The following PCDHA4 variants were observed in gnomAD, a reference collection of about 807,000 sequenced individuals.
PCDHA4 encodes the protein protocadherin alpha 4.
PCDHA4 carries 49 observed loss-of-function variants against 61.4 expected under a neutral mutation model. The ratio of observed to expected loss-of-function variants is 0.80; its 90% confidence interval spans 0.63 to 1.01. PCDHA4 has a LOEUF of 1.01. PCDHA4 is among the 50% of genes least tolerant of loss of function. PCDHA4 has a pLI of 0.00. For synonymous variants in PCDHA4, 590 were observed against 550.3 expected, an observed-to-expected ratio of 1.07 and a Z score of -1.01; for missense variants, 1,254 against 1,235.8, an observed-to-expected ratio of 1.01 and a Z score of -0.22.
intron 1 of PCDHA4, chr5:140,884,065 C>G (rs377441374): frequency 1.1e-5 from 17 of 1,613,346 alleles, no homozygotes; most frequent in Admixed American, 6.7e-5. Flanking sequence ...CGGTGGACGC[C>G]GATTCGGGCT....
intron 1 of PCDHA4, chr5:140,849,852 C>G: frequency 3.8e-6 from 6 of 1,598,608 alleles, no homozygotes; most frequent in Non-Finnish European, 5.1e-6. Flanking sequence ...CGACAACGCA[C>G]CAGCGTTCGC....
chr5:140,933,130 AAGGTAGAT>A (rs1554209200), intron 1 of PCDHA4, among the ~76,000 whole-genome samples: 1 of 151,994 alleles, frequency 6.6e-6, no homozygotes, highest in East Asian at 1.9e-4. Context: ...CTAAATAATA[AAGGTAGAT>A]AGCCACTCAT....
intron 1 of PCDHA4, chr5:140,813,574 G>A (rs1765337432): frequency 6.6e-6 from 1 of 152,206 alleles, no homozygotes; most frequent in Non-Finnish European, 1.5e-5. Context: ...AGACTGCGGG[G>A]CTGGAAATTT....
At position 140,852,588 on chromosome 5, in the gene PCDHA4, T is replaced by G. The variant is rs2150519378; in HGVS notation, c.2385+43016T>G. 150 of 881,406 alleles carry G rather than the reference T, an allele frequency of 1.7e-4. 16 individuals are homozygous for G. The highest frequency in any genetic ancestry group is 2.0e-4 in the Non-Finnish European group (145 of 723,694). 54.6% of individuals were successfully genotyped at this position (881,406 alleles called of 1,614,324 possible). A position where few individuals can be genotyped will look rare whatever the true frequency, so the allele number is the denominator to read the frequency against. On this transcript the variant is annotated intron_variant, in intron 1 of 3. Transcript: ENST00000530339. ...ACTGTGCCAAGGCTTTTTTATTTTT[T>G]TTTTTTGTCATTTTCTTTCAAAACT...
intron 1 of PCDHA4, among the ~76,000 whole-genome samples, chr5:140,903,821 A>G (rs2153482193): frequency 6.6e-6 from 1 of 152,320 alleles, no homozygotes. Context: ...TCTCACATGA[A>G]TGTCTGTTGG....
chr5:140,941,462 C>T (rs1323217881), intron 1 of PCDHA4, among the ~76,000 whole-genome samples: 1 of 150,980 alleles, frequency 6.6e-6, no homozygotes, highest in Non-Finnish European at 1.5e-5. Context: ...ATTACAGGCG[C>T]CCACCACCAC....
intron 1 of PCDHA4, chr5:140,856,526 G>C (rs1461628453): frequency 6.3e-7 from 1 of 1,598,340 alleles, no homozygotes; most frequent in Non-Finnish European, 8.6e-7. Context: ...ATCTGATGCG[G>C]ATGTTGGAGA....
Position 141,010,026 on chromosome 5 carries a change from T to C in PCDHA4, c.*89T>C. On this transcript the variant is annotated 3_prime_UTR_variant, in exon 4 of 4. Transcript: ENST00000530339. ...AGCAATTCCCTGCTCCTTTTTCCTA[T>C]CTACATGAGCCCTCTTAGAGACCTC... 1 of 1,574,670 alleles carries C rather than the reference T, an allele frequency of 6.4e-7. No homozygotes were observed. The highest frequency in any genetic ancestry group is 8.6e-7 in the Non-Finnish European group (1 of 1,164,154).
chr5:140,921,630 A>G lies in PCDHA4; in HGVS notation c.2386-57319A>G, dbSNP rs554698507. ...AGAAAAATATCATCAGATCATCATTATGGTAGCTATTTTAAGGGAACTTAA... is the reference window on the plus strand; with the variant it reads ...AGAAAAATATCATCAGATCATCATTGTGGTAGCTATTTTAAGGGAACTTAA... On this transcript the variant is annotated intron_variant, in intron 1 of 3. Coordinates refer to ENST00000530339, the MANE Select transcript of PCDHA4 (RefSeq NM_018907.4). Among the ~76,000 whole-genome samples, 4 of 152,344 alleles carry G rather than the reference A, an allele frequency of 2.6e-5. No homozygotes were observed. The South Asian group carries it at 8.3e-4, about 32-fold the overall frequency.
At chr5:140,990,780 G>A (rs900658402) in intron 3 of PCDHA4, among the ~76,000 whole-genome samples, 20 of 152,192 alleles carry the variant, frequency 1.3e-4, no homozygotes, top group African/African-American at 4.8e-4. Flanking sequence ...CTCTGTGTTG[G>A]ACGATGAACC....
At chr5:140,833,401 T>C (rs1772445861) in intron 1 of PCDHA4, among the ~76,000 whole-genome samples, 1 of 152,180 alleles carries the variant, frequency 6.6e-6, no homozygotes, top group South Asian at 2.1e-4. Flanking sequence ...CAAGACTTGA[T>C]CAAAGGGCTG....
Position 141,010,015 on chromosome 5 carries a change from C to T in PCDHA4, c.*78C>T, listed in dbSNP as rs1588250671. On this transcript the variant is annotated 3_prime_UTR_variant, in exon 4 of 4. Transcript: ENST00000530339. ...CTCTCCCATGTAGCAATTCCCTGCTCCTTTTTCCTATCTACATGAGCCCTC... is the reference window on the plus strand; with the variant it reads ...CTCTCCCATGTAGCAATTCCCTGCTTCTTTTTCCTATCTACATGAGCCCTC... 7 of 1,572,182 alleles carry T rather than the reference C, an allele frequency of 4.5e-6. No individual in the cohort carries two copies. In the East Asian group the frequency reaches 1.3e-4, roughly 30 times the overall value.
intron 1 of PCDHA4, chr5:140,849,989 G>A: frequency 2.5e-6 from 4 of 1,597,330 alleles, no homozygotes; most frequent in Non-Finnish European, 3.4e-6. Flanking sequence ...TGGAGCGGCG[G>A]TTGGGCGAGC....
At chr5:140,902,761 G>A (rs58783050) in intron 1 of PCDHA4, among the ~76,000 whole-genome samples, 3,599 of 148,306 alleles carry the variant, frequency 0.024, 139 homozygotes, top group African/African-American at 0.083. Flanking sequence ...TCATTCTTAT[G>A]TCTTTGCATT....
chr5:140,887,124 T>G (rs1554182893), intron 1 of PCDHA4, among the ~76,000 whole-genome samples: 2 of 151,068 alleles, frequency 1.3e-5, no homozygotes, highest in Admixed American at 6.6e-5. Flanking sequence ...TGAGACGGAG[T>G]CTCACTCTGT....
At chr5:140,993,521 G>A (rs1554253818) in intron 3 of PCDHA4, among the ~76,000 whole-genome samples, 1 of 151,130 alleles carries the variant, frequency 6.6e-6, no homozygotes, top group African/African-American at 2.4e-5. Context: ...GGGAGAGAGA[G>A]ACAGAGAGAG....
chr5:140,928,109 A>G (rs1472439079), intron 1 of PCDHA4: 1 of 1,614,104 alleles, frequency 6.2e-7, no homozygotes, highest in Middle Eastern at 1.6e-4. Flanking sequence ...CTGGACCGGG[A>G]GCAGATCAGT....
At chr5:140,829,950 T>C (rs1770704660) in intron 1 of PCDHA4, 1 of 1,613,960 alleles carries the variant, frequency 6.2e-7, no homozygotes, top group Non-Finnish European at 8.5e-7. Context: ...AGCGCTCGCT[T>C]CCCGTTTCGC....
In PCDHA4 at chr5:140,941,191, T is replaced by C. The variant is rs184104978; in HGVS notation, c.2386-37758T>C. Among the ~76,000 whole-genome samples the C allele has an allele frequency of 2.1e-3, 199 of 93,252 alleles. 3 individuals are homozygous for C. Among genetic ancestry groups the C allele is most frequent in the South Asian group, 0.011 (39 of 3,542 alleles). The allele number at this position is 93,252 out of a possible 152,430, so 61.2% of individuals were successfully genotyped here. A position where few individuals can be genotyped will look rare whatever the true frequency, so the allele number is the denominator to read the frequency against. On this transcript the variant is annotated intron_variant, in intron 1 of 3. Transcript: ENST00000530339. ...CATCTTGAACATCCTGCTTCTTTTT[T>C]TTTCTTTCTTCCTTTCTTTCTTCCT...
Sources: gnomAD v4.1 joint callset for allele counts (sites outside exome capture counted in the v4.1 genomes callset) on GRCh38, gnomAD v4.1.1 for gene constraint, MANE v1.5 for transcripts, NCBI Gene and HGNC (gene_info 2026-07-23, HGNC 2026-07-21) for gene names.